The following ACOXL variants were observed in gnomAD, a reference collection of about 807,000 sequenced individuals.
The protein encoded by ACOXL is acyl-CoA oxidase like, also known as acyl-coenzyme A oxidase-like protein.
ACOXL carries 70 observed loss-of-function variants against 71.9 expected under a neutral mutation model. The ratio of observed to expected loss-of-function variants is 0.97; its 90% CI spans 0.80 to 1.19. ACOXL has a LOEUF of 1.19. ACOXL is among the 50% of genes most tolerant of loss of function. The pLI is 0.00. For missense variants in ACOXL, 703 were observed against 736.3 expected (o/e 0.95, Z 0.52); for synonymous variants, 253 against 281.6 (o/e 0.90, Z 1.02).
intron 10 of ACOXL, among the ~76,000 whole-genome samples, chr2:110,856,237 C>T (rs996094214): frequency 6.6e-6 from 1 of 152,178 alleles, no homozygotes; most frequent in African/African-American, 2.4e-5. Context: ...GGAAATCCAG[C>T]TGGCTTCACC....
At chr2:111,097,529 G>T (rs2068871484) in intron 17 of ACOXL, among the ~76,000 whole-genome samples, 1 of 152,206 alleles carries the variant, frequency 6.6e-6, no homozygotes, top group African/African-American at 2.4e-5. Flanking sequence ...AGGAACCAGG[G>T]TCCTTGGAGA....
intron 17 of ACOXL, among the ~76,000 whole-genome samples, chr2:111,106,023 C>T (rs1479640181): frequency 6.6e-6 from 1 of 152,164 alleles, no homozygotes; most frequent in Non-Finnish European, 1.5e-5. Context: ...GGGGTGGGCT[C>T]AGCTTCGTGA....
At chr2:110,982,686 C>T (rs1200761521) in intron 12 of ACOXL, among the ~76,000 whole-genome samples, 1 of 152,184 alleles carries the variant, frequency 6.6e-6, no homozygotes, top group Non-Finnish European at 1.5e-5. Flanking sequence ...ATAGGATGCC[C>T]AGCTACATTT....
At chr2:110,881,651 C>T (rs535195466) in intron 10 of ACOXL, among the ~76,000 whole-genome samples, 3 of 152,166 alleles carry the variant, frequency 2.0e-5, no homozygotes, top group Non-Finnish European at 2.9e-5. Flanking sequence ...TCTCTCCCAT[C>T]GCCAGGTAAC....
At chr2:110,851,422 G>A (rs1692585476) in intron 10 of ACOXL, among the ~76,000 whole-genome samples, 1 of 152,154 alleles carries the variant, frequency 6.6e-6, no homozygotes, top group South Asian at 2.1e-4. Flanking sequence ...TGTTTTACGT[G>A]CCCAGGGTGA....
At chr2:110,779,673 A>G (rs1485797246) in intron 2 of ACOXL, among the ~76,000 whole-genome samples, 1 of 152,254 alleles carries the variant, frequency 6.6e-6, no homozygotes. Flanking sequence ...TCACACATAT[A>G]TGACCAATTG....
At chr2:110,953,689 G>GA (rs890190678) in intron 12 of ACOXL, among the ~76,000 whole-genome samples, 28 of 150,702 alleles carry the variant, frequency 1.9e-4, no homozygotes, top group African/African-American at 4.4e-4. Context: ...GATAATTTAT[G>GA]AAAAAAAAAG....
At chr2:110,791,098 C>T (rs1214205749) in intron 3 of ACOXL, among the ~76,000 whole-genome samples, 1 of 152,260 alleles carries the variant, frequency 6.6e-6, no homozygotes, top group Non-Finnish European at 1.5e-5. Context: ...TTCCAATCCC[C>T]AGGAGCTCCA....
At chr2:110,772,050 A>C (rs1682014714) in intron 2 of ACOXL, among the ~76,000 whole-genome samples, 3 of 152,210 alleles carry the variant, frequency 2.0e-5, no homozygotes, top group Non-Finnish European at 4.4e-5. Context: ...TACAGTCCCA[A>C]CACTAAGAAC....
intron 1 of ACOXL, among the ~76,000 whole-genome samples, chr2:110,744,085 G>T (rs967290135): frequency 2.0e-5 from 3 of 152,144 alleles, no homozygotes; most frequent in African/African-American, 7.2e-5. Context: ...TGCAGCCAAA[G>T]AACTCTGGCT....
At chr2:110,777,755 C>G (rs1379358202) in intron 2 of ACOXL, among the ~76,000 whole-genome samples, 1 of 152,176 alleles carries the variant, frequency 6.6e-6, no homozygotes, top group South Asian at 2.1e-4. Flanking sequence ...ACACTGGCCA[C>G]GGAGGCTGCA....
At chr2:111,008,957 A>G (rs2064003494) in intron 14 of ACOXL, among the ~76,000 whole-genome samples, 1 of 152,148 alleles carries the variant, frequency 6.6e-6, no homozygotes, top group South Asian at 2.1e-4. Flanking sequence ...TATTTGGTCC[A>G]TCAATTTTGA....
chr2:111,006,329 G>A (rs1390050005), intron 14 of ACOXL, among the ~76,000 whole-genome samples: 1 of 152,200 alleles, frequency 6.6e-6, no homozygotes, highest in Non-Finnish European at 1.5e-5. Context: ...TTAAAACCAT[G>A]AAACTCCAGA....
intron 9 of ACOXL, among the ~76,000 whole-genome samples, chr2:110,821,170 G>A (rs975348268): frequency 8.5e-5 from 13 of 152,200 alleles, no homozygotes; most frequent in African/African-American, 3.1e-4. Flanking sequence ...GGGAGGCCCT[G>A]CCCTTCCTCA....
At chr2:110,845,684 G>A (rs138421559) in intron 10 of ACOXL, among the ~76,000 whole-genome samples, 2 of 152,236 alleles carry the variant, frequency 1.3e-5, no homozygotes, top group African/African-American at 4.8e-5. Flanking sequence ...GAATAATACA[G>A]CATTTGCCTT....
At chr2:111,010,074 G>A (rs988070850) in intron 14 of ACOXL, among the ~76,000 whole-genome samples, 6 of 152,060 alleles carry the variant, frequency 3.9e-5, no homozygotes, top group African/African-American at 7.2e-5. Flanking sequence ...ATATTATCAG[G>A]CATGGGAAGA....
chr2:111,028,440 G>A (rs1008033896), intron 14 of ACOXL, among the ~76,000 whole-genome samples: 2 of 151,858 alleles, frequency 1.3e-5, no homozygotes, highest in Non-Finnish European at 2.9e-5. Context: ...GCAGGTTTAA[G>A]CCACTGTGCC....
intron 11 of ACOXL, among the ~76,000 whole-genome samples, chr2:110,933,109 A>AT (rs1361935295): frequency 1.3e-5 from 2 of 152,024 alleles, no homozygotes; most frequent in Non-Finnish European, 2.9e-5. Context: ...TTGAATCTTG[A>AT]TTTTTTAAAA....
At chr2:110,751,411 T>C (rs1248349270) in intron 1 of ACOXL, among the ~76,000 whole-genome samples, 1 of 152,182 alleles carries the variant, frequency 6.6e-6, no homozygotes, top group Non-Finnish European at 1.5e-5. Context: ...GCTACTATAC[T>C]TGCTTTATCA....
Sources: allele counts gnomAD v4.1 joint callset (sites outside exome capture counted in the v4.1 genomes callset), GRCh38; gene constraint gnomAD v4.1.1; transcripts MANE v1.5; gene names NCBI Gene and HGNC (gene_info 2026-07-23, HGNC 2026-07-21).